CNTN3: variants seen among roughly 807,000 people sequenced by gnomAD.
The protein encoded by CNTN3 is contactin 3, also known as contactin-3.
A neutral mutation model predicts 119.1 loss-of-function variants in CNTN3; 60 were observed. The ratio of observed to expected loss-of-function variants is 0.50; its 90% CI spans 0.41 to 0.62. The LOEUF is 0.62. CNTN3 is among the 20% of genes least tolerant of loss of function. The pLI, the probability that CNTN3 is intolerant of heterozygous loss-of-function variation, is 0.00. For missense variants in CNTN3, 1,101 were observed against 1,242.4 expected, an observed-to-expected ratio of 0.89 and a Z score of 1.71; for synonymous variants, 450 against 438.7, an observed-to-expected ratio of 1.03 and a Z score of -0.32.
At chr3:74,334,974 C>G in intron 12 of CNTN3, 64 bp from the exon 13 acceptor site, 1 of 1,244,022 alleles carries the variant, frequency 8.0e-7, no homozygotes, top group South Asian at 1.3e-5. Flanking sequence ...TTTGCACAGG[C>G]AGACTGTTCA....
chr3:74,465,342 G>A (rs1033870207), intron 4 of CNTN3, among the ~76,000 whole-genome samples: 8 of 152,054 alleles, frequency 5.3e-5, no homozygotes, highest in African/African-American at 9.7e-5. Context: ...GGTCTTTATC[G>A]TTACTATTAC....
chr3:74,352,388 T>C (rs895810845), intron 11 of CNTN3, among the ~76,000 whole-genome samples: 1 of 152,186 alleles, frequency 6.6e-6, no homozygotes, highest in Non-Finnish European at 1.5e-5. Context: ...ACACCTTCAC[T>C]AGAGGCAGGA....
chr3:74,421,786 G>A (rs1156939580), intron 5 of CNTN3, among the ~76,000 whole-genome samples: 1 of 152,120 alleles, frequency 6.6e-6, no homozygotes, highest in Admixed American at 6.5e-5. Context: ...CAGTTGTACT[G>A]ATATACCCCG....
At chr3:74,546,660 T>A (rs1040141566) in intron 1 of CNTN3, among the ~76,000 whole-genome samples, 1 of 152,158 alleles carries the variant, frequency 6.6e-6, no homozygotes, top group Admixed American at 6.5e-5. Flanking sequence ...AGGAGCTCTT[T>A]GACCTTCGAC....
intron 1 of CNTN3, among the ~76,000 whole-genome samples, chr3:74,536,997 A>ACACAC (rs1553679248): frequency 1.3e-5 from 2 of 150,638 alleles, no homozygotes; most frequent in Non-Finnish European, 1.5e-5. Flanking sequence ...TTTCATTTAA[A>ACACAC]ACACACACAC....
chr3:74,512,970 T>G (rs1703395037), intron 2 of CNTN3, among the ~76,000 whole-genome samples: 1 of 152,130 alleles, frequency 6.6e-6, no homozygotes, highest in Admixed American at 6.6e-5. Context: ...AAAGTTCTAT[T>G]TTGCCATAGA....
intron 4 of CNTN3, among the ~76,000 whole-genome samples, chr3:74,449,533 T>C (rs888346019): frequency 6.6e-6 from 1 of 152,034 alleles, no homozygotes; most frequent in South Asian, 2.1e-4. Flanking sequence ...ATTCTGTAGT[T>C]AGGGAAGGGG....
intron 4 of CNTN3, among the ~76,000 whole-genome samples, chr3:74,447,280 A>C (rs978875307): frequency 2.0e-5 from 3 of 152,154 alleles, no homozygotes; most frequent in Non-Finnish European, 4.4e-5. Context: ...ACTACTGAAC[A>C]ACATATGGTG....
intron 13 of CNTN3, among the ~76,000 whole-genome samples, chr3:74,324,213 CTTCTT>C (rs1559547116): frequency 8.3e-5 from 12 of 144,732 alleles, no homozygotes; most frequent in East Asian, 4.2e-4. Context: ...AACTCTTCTT[CTTCTT>C]TTTTTTTTTT....
At position 74,499,820 on chromosome 3, in the gene CNTN3, C is replaced by T. The variant is rs754789723; in HGVS notation, c.56-35G>A. The T allele has an allele frequency of 9.7e-6, 15 of 1,547,572 alleles. No homozygotes were observed. In the South Asian group the frequency reaches 1.2e-4, roughly 13 times the overall value. On this transcript the variant is annotated intron_variant, in intron 2 of 22. Transcript: ENST00000263665. ...TGGGAGACATCCAAAAAATAATAATCAGTAAAAGGCATTGTAAAAAGTTAC... is the reference window on the plus strand; with the variant it reads ...TGGGAGACATCCAAAAAATAATAATTAGTAAAAGGCATTGTAAAAAGTTAC...
chr3:74,588,661 C>T (rs1028947188), intron 1 of CNTN3, among the ~76,000 whole-genome samples: 4 of 152,014 alleles, frequency 2.6e-5, no homozygotes, highest in African/African-American at 9.7e-5. Context: ...ATTCCTAAGC[C>T]AAAAGAACAA....
chr3:74,366,679 A>C (rs1704195912), intron 8 of CNTN3, among the ~76,000 whole-genome samples: 1 of 151,048 alleles, frequency 6.6e-6, no homozygotes, highest in Non-Finnish European at 1.5e-5. Context: ...TTTTTTATAA[A>C]TGAAACTGAA....
intron 5 of CNTN3, among the ~76,000 whole-genome samples, chr3:74,403,305 TAA>T (rs1705244074): frequency 6.6e-6 from 1 of 151,924 alleles, no homozygotes. Context: ...AAGGTAGGAG[TAA>T]AAGAGAAGAA....
chr3:74,470,613 C>T (rs1419922345), intron 4 of CNTN3, among the ~76,000 whole-genome samples: 2 of 152,062 alleles, frequency 1.3e-5, no homozygotes, highest in East Asian at 3.9e-4. Flanking sequence ...CCCGGGCAAA[C>T]ATGAATGACA....
chr3:74,512,989 G>C (rs1035889279), intron 2 of CNTN3, among the ~76,000 whole-genome samples: 1 of 152,102 alleles, frequency 6.6e-6, no homozygotes, highest in African/African-American at 2.4e-5. Flanking sequence ...GAGTGAAGAA[G>C]TCATGCAAGG....
chr3:74,292,302 C>A (rs1033144301), intron 19 of CNTN3, among the ~76,000 whole-genome samples: 1 of 152,204 alleles, frequency 6.6e-6, no homozygotes, highest in Admixed American at 6.5e-5. Context: ...CAGTGGCTTA[C>A]GCCTGTAATC....
chr3:74,271,247 C>A (rs184431530), intron 20 of CNTN3, among the ~76,000 whole-genome samples: 1 of 151,888 alleles, frequency 6.6e-6, no homozygotes, highest in Non-Finnish European at 1.5e-5. Context: ...GAATATCATC[C>A]ACGGGCAGTT....
intron 1 of CNTN3, among the ~76,000 whole-genome samples, chr3:74,561,120 A>G (rs1393651323): frequency 6.6e-6 from 1 of 151,868 alleles, no homozygotes; most frequent in Non-Finnish European, 1.5e-5. Flanking sequence ...GCACATGTAT[A>G]CATATGTAAC....
rs981788315 is a variant in CNTN3, at chr3:74,449,400, G to A, written c.359-24460C>T. Among the ~76,000 whole-genome samples the A allele has an allele frequency of 2.7e-5, 4 of 146,918 alleles. No homozygotes were observed. The East Asian group carries it at 9.9e-4, about 36-fold the overall frequency. Reference sequence around the variant, plus strand: ...ACTAATCTCTGTAGTCATCTCTGCTGAATCAAAAAAAATGGCAATTGTTTT... The same window carrying A: ...ACTAATCTCTGTAGTCATCTCTGCTAAATCAAAAAAAATGGCAATTGTTTT... On this transcript the variant is annotated intron_variant, in intron 4 of 22. Coordinates refer to ENST00000263665, the MANE Select transcript of CNTN3 (RefSeq NM_020872.3).
Sources: allele counts gnomAD v4.1 joint callset (sites outside exome capture counted in the v4.1 genomes callset), GRCh38; gene constraint gnomAD v4.1.1; transcripts MANE v1.5; gene names NCBI Gene and HGNC (gene_info 2026-07-23, HGNC 2026-07-21).